GRIN1: variants seen among roughly 807,000 people sequenced by gnomAD.
The protein encoded by GRIN1 is glutamate receptor ionotropic, NMDA 1.
Under a neutral mutation model 103.0 loss-of-function variants are expected in GRIN1, and 38 were observed. That is an observed-to-expected ratio of 0.37 (90% CI 0.28 to 0.48). GRIN1 has a LOEUF of 0.48. GRIN1 is among the 20% of genes least tolerant of loss of function. The pLI, the probability that GRIN1 is intolerant of heterozygous loss-of-function variation, is 0.98. For synonymous variants in GRIN1, 544 were observed against 532.7 expected, an observed-to-expected ratio of 1.02 and a Z score of -0.29; for missense variants, 577 against 1,288.9, an observed-to-expected ratio of 0.45 and a Z score of 8.46.
chr9:137,153,384 G>A (rs909561821), intron 4 of GRIN1, among the ~76,000 whole-genome samples: 1 of 150,776 alleles, frequency 6.6e-6, no homozygotes, highest in Non-Finnish European at 1.5e-5. Context: ...GTATGCACAT[G>A]CCACATACAC....
At chr9:137,153,230 C>T (rs188026962) in intron 4 of GRIN1, among the ~76,000 whole-genome samples, 45 of 150,530 alleles carry the variant, frequency 3.0e-4, no homozygotes, top group Non-Finnish European at 5.0e-4. Context: ...TGCACACATG[C>T]CACATACCAC....
Position 137,163,310 on chromosome 9 carries a change from C to T in GRIN1, c.2313C>T (p.Asn771=), listed in dbSNP as rs201881481. 3.8e-5 allele frequency: 62 copies of T among 1,613,678 alleles called. No individual in the cohort carries two copies. The South Asian group carries it at 6.4e-4, about 17-fold the overall frequency. Residue 771 remains asparagine, a synonymous_variant, in exon 16 of 20, where the codon AAC becomes AAT. Coordinates refer to ENST00000371561, the MANE Select transcript of GRIN1 (RefSeq NM_007327.4). The stretch of plus-strand genomic sequence containing the variant: ...GCAAAGACAGCCCCTGGAAGCAGAA[C>T]GTCTCCCTGTCCATCCTCAAGTGAG... ...GMRKDSPWKQ[N]VSLSILKSHE...
At position 137,167,558 on chromosome 9, in the gene GRIN1, C is replaced by T. The variant is rs1177030606; in HGVS notation, c.*31C>T. 4.5e-6 allele frequency: 7 copies of T among 1,546,382 alleles called. No homozygotes were observed. The South Asian group carries it at 8.3e-5, about 18-fold the overall frequency. ...CCCGCCCGCCCTCCTCTGCCCCCTCCCCCGCAGACAGACAGACAGACGGAC... is the reference window on the plus strand; with the variant it reads ...CCCGCCCGCCCTCCTCTGCCCCCTCTCCCGCAGACAGACAGACAGACGGAC... On this transcript the variant is annotated 3_prime_UTR_variant, in exon 20 of 20. Transcript: ENST00000371561.
At chr9:137,154,139 G>A (rs894195107) in intron 4 of GRIN1, among the ~76,000 whole-genome samples, 7 of 133,672 alleles carry the variant, frequency 5.2e-5, no homozygotes, top group African/African-American at 2.0e-4. Context: ...TTTTGTGTGT[G>A]TGTGTGAGAC....
In GRIN1 at chr9:137,168,076, G is replaced by T. The variant is rs1243104882; in HGVS notation, c.*549G>T. The T allele has an allele frequency of 3.4e-5, 20 of 593,658 alleles. No individual in the cohort carries two copies. The highest frequency in any genetic ancestry group is 1.5e-5 in the Non-Finnish European group (5 of 334,742). The allele number at this position is 593,658 out of a possible 1,614,324, so 36.8% of individuals were successfully genotyped here. A position where few individuals can be genotyped will look rare whatever the true frequency, so the allele number is the denominator to read the frequency against. On this transcript the variant is annotated 3_prime_UTR_variant, in exon 20 of 20. Coordinates refer to ENST00000371561, the MANE Select transcript of GRIN1 (RefSeq NM_007327.4). ...AGTCGGCTGGGCAGGGCCGCAGGGC[G>T]CTCCGGCAGAGGCAGGGCCCTGGGG... is the stretch of plus-strand genomic sequence containing the variant.
chr9:137,165,535 C>A, intron 19 of GRIN1: 1 of 560,262 alleles, frequency 1.8e-6, no homozygotes. Context: ...TCTGCCCGCC[C>A]ACCTCCCCTG....
chr9:137,139,854 A>G lies in GRIN1; in HGVS notation c.258+110A>G. On this transcript the variant is annotated intron_variant, in intron 1 of 19. Coordinates refer to ENST00000371561, the MANE Select transcript of GRIN1 (RefSeq NM_007327.4). The surrounding 1 kb of genome is among the most constrained non-coding windows in gnomAD (Gnocchi z 7.7). Reference sequence around the variant, plus strand: ...GCCCCCTTCCTCCCTGTAAGACACCACCCCAGAGTCAGCTGGCTGCTTCCG... The same window carrying G: ...GCCCCCTTCCTCCCTGTAAGACACCGCCCCAGAGTCAGCTGGCTGCTTCCG... The G allele has an allele frequency of 2.3e-6, 2 of 871,352 alleles. No homozygotes were observed. The highest frequency in any genetic ancestry group is 3.7e-6 in the Non-Finnish European group (2 of 534,280). The allele number at this position is 871,352 out of a possible 1,614,324, so 54.0% of individuals were successfully genotyped here.
chr9:137,148,642 G>A (rs889795346), intron 3 of GRIN1, among the ~76,000 whole-genome samples: 8 of 152,254 alleles, frequency 5.3e-5, no homozygotes, highest in Non-Finnish European at 7.3e-5. Context: ...TTTCCTGGTT[G>A]CATTCCAAAA....
chr9:137,163,006 G>A lies in GRIN1; in HGVS notation c.2171+3G>A. On this transcript the variant is annotated splice_donor_region_variant and intron_variant, in intron 15 of 19. Transcript: ENST00000371561. ...GCCATCCAGGCCGTGAGAGACAAGTGAGGCGCGGGCGGCCACCCTGGCGGG... is the reference window on the plus strand; with the variant it reads ...GCCATCCAGGCCGTGAGAGACAAGTAAGGCGCGGGCGGCCACCCTGGCGGG... 1 of 1,591,952 alleles carries A rather than the reference G, an allele frequency of 6.3e-7. No homozygotes were observed. The highest frequency in any genetic ancestry group is 8.5e-7 in the Non-Finnish European group (1 of 1,170,960).
chr9:137,161,726 C>T (rs1365154479), intron 10 of GRIN1, among the ~76,000 whole-genome samples, 198 bp from the exon 11 acceptor site: 3 of 135,756 alleles, frequency 2.2e-5, no homozygotes, highest in African/African-American at 5.6e-5. Context: ...GCGGGGCCTG[C>T]TGGCTGTGGT....
At position 137,142,034 on chromosome 9, in the gene GRIN1, C is replaced by T; in HGVS notation, c.280C>T (p.His94Tyr). ...ACAGGTCTACGCCATCCTAGTTAGC[C>T]ATCCACCTACCCCCAACGACCACTT... ...SSQVYAILVS[H>Y]PPTPNDHFTP... Residue 94 changes from histidine to tyrosine, a missense_variant, in exon 2 of 20, where the codon CAT becomes TAT. Coordinates refer to ENST00000371561, the MANE Select transcript of GRIN1 (RefSeq NM_007327.4). 1 of 1,614,160 alleles carries T rather than the reference C, an allele frequency of 6.2e-7. No homozygotes were observed. Among genetic ancestry groups the T allele is most frequent in the Non-Finnish European group, 8.5e-7 (1 of 1,179,976 alleles).
intron 3 of GRIN1, among the ~76,000 whole-genome samples, chr9:137,147,195 C>T (rs1182971018): frequency 6.6e-6 from 1 of 152,124 alleles, no homozygotes; most frequent in African/African-American, 2.4e-5. Context: ...ACATTCCCAT[C>T]ACACTCCACA....
At chr9:137,141,673 T>C (rs1365097762) in intron 1 of GRIN1, among the ~76,000 whole-genome samples, 1 of 152,136 alleles carries the variant, frequency 6.6e-6, no homozygotes, top group African/African-American at 2.4e-5. Flanking sequence ...GCCATCATGA[T>C]GCAGGACCAG....
At chr9:137,162,146 C>A in intron 11 of GRIN1, 26 bp from the exon 12 acceptor site, 1 of 1,541,692 alleles carries the variant, frequency 6.5e-7, no homozygotes, top group South Asian at 1.2e-5. Flanking sequence ...GGGCCCGGGC[C>A]GCGCTGACCT....
At chr9:137,162,361 G>T in intron 12 of GRIN1, 43 bp from the exon 13 acceptor site, 1 of 1,540,028 alleles carries the variant, frequency 6.5e-7, no homozygotes, top group South Asian at 1.2e-5. Context: ...GGGCAGGGCC[G>T]CCTCTCCCGC....
At position 137,168,011 on chromosome 9, in the gene GRIN1, C is replaced by T. The variant is rs1833970699; in HGVS notation, c.*484C>T. On this transcript the variant is annotated 3_prime_UTR_variant, in exon 20 of 20. Coordinates refer to ENST00000371561, the MANE Select transcript of GRIN1 (RefSeq NM_007327.4). ...GCCTGGCGGGCAGCCCCTGCTGGAC[C>T]AAGGTGCGGACCGGAGCGGCTGAGG... 4 of 697,230 alleles carry T rather than the reference C, an allele frequency of 5.7e-6. No homozygotes were observed. Among genetic ancestry groups the T allele is most frequent in the South Asian group, 3.3e-5 (2 of 60,800 alleles). 43.2% of individuals were successfully genotyped at this position (697,230 alleles called of 1,614,324 possible). A position where few individuals can be genotyped will look rare whatever the true frequency, so the allele number is the denominator to read the frequency against.
chr9:137,161,621 C>T (rs1354650841), intron 10 of GRIN1, among the ~76,000 whole-genome samples: 1 of 87,602 alleles, frequency 1.1e-5, no homozygotes, highest in African/African-American at 4.3e-5. Flanking sequence ...TGGGGCCTGA[C>T]ATGGGAGGGG....
intron 3 of GRIN1, 118 bp from the exon 4 acceptor site, chr9:137,148,891 C>T (rs555914482): frequency 1.3e-6 from 1 of 759,706 alleles, no homozygotes; most frequent in African/African-American, 1.7e-5. Context: ...CAGGCGCAGA[C>T]CATGGCAGCC....
At chr9:137,160,730 G>C (rs970794414) in intron 8 of GRIN1, among the ~76,000 whole-genome samples, 1 of 151,662 alleles carries the variant, frequency 6.6e-6, no homozygotes, top group Non-Finnish European at 1.5e-5. Context: ...GCACCTGGCG[G>C]GGAATCATGT....
Sources: allele counts gnomAD v4.1 joint callset (sites outside exome capture counted in the v4.1 genomes callset), GRCh38; gene constraint gnomAD v4.1.1; non-coding constraint Gnocchi (gnomAD v3.1); transcripts MANE v1.5; gene names NCBI Gene and HGNC (gene_info 2026-07-23, HGNC 2026-07-21).